JHY: variants seen among roughly 807,000 people sequenced by gnomAD.
The protein encoded by JHY is junctional cadherin complex regulator.
Under a neutral mutation model 78.0 loss-of-function variants are expected in JHY, and 69 were observed. That is an observed-to-expected ratio of 0.88 (90% CI 0.73 to 1.08). JHY has a LOEUF of 1.08. JHY is among the 50% of genes least tolerant of loss of function. The pLI is 0.00. For missense variants in JHY, 944 were observed against 927.8 expected (o/e 1.02, Z -0.23); for synonymous variants, 368 against 342.6 (o/e 1.07, Z -0.82).
At chr11:122,956,683 C>T (rs57550126) in intron 7 of JHY, 107 bp downstream of exon 7, 21,117 of 840,322 alleles carry the variant, frequency 0.025, 635 homozygotes, top group East Asian at 0.11. Flanking sequence ...TCAAATGTCT[C>T]ACTCTGAATA....
chr11:122,957,386 G>T lies in JHY; in HGVS notation c.2034G>T (p.Lys678Asn). Residue 678 changes from lysine to asparagine, a missense_variant, in exon 8 of 9, where the codon AAG (lysine) becomes AAT (asparagine). Lys to Asn is a moderately conservative substitution (Grantham distance 94). Coordinates refer to ENST00000227349, the MANE Select transcript of JHY (RefSeq NM_024806.4). Reference protein sequence around the residue: ...RDKTQKLIQQKEYAKQVKEYN... With the variant: ...RDKTQKLIQQNEYAKQVKEYN... ...AGACGCAAAAATTAATACAGCAAAAGGAATATGCAAAACAAGTCAAGGAGT... is the reference window on the plus strand; with the variant it reads ...AGACGCAAAAATTAATACAGCAAAATGAATATGCAAAACAAGTCAAGGAGT... 6.5e-7 allele frequency: 1 copy of T among 1,531,736 alleles called. No individual in the cohort carries two copies. Among genetic ancestry groups the T allele is most frequent in the Non-Finnish European group, 8.7e-7 (1 of 1,152,550 alleles). 94.9% of individuals were successfully genotyped at this position (1,531,736 alleles called of 1,614,324 possible). A position where few individuals can be genotyped will look rare whatever the true frequency, so the allele number is the denominator to read the frequency against.
At chr11:122,948,182 G>A (rs1321847038) in intron 6 of JHY, among the ~76,000 whole-genome samples, 1 of 152,122 alleles carries the variant, frequency 6.6e-6, no homozygotes, top group African/African-American at 2.4e-5. Context: ...GGTGGCTAAC[G>A]CCTGTAATCC....
chr11:122,950,345 C>T (rs985005301), intron 6 of JHY, among the ~76,000 whole-genome samples: 1 of 152,198 alleles, frequency 6.6e-6, no homozygotes, highest in Non-Finnish European at 1.5e-5. Context: ...ACAGCCTATT[C>T]ACTGCAGTAC....
intron 5 of JHY, among the ~76,000 whole-genome samples, chr11:122,945,286 T>C (rs1021310876): frequency 6.6e-5 from 10 of 152,244 alleles, no homozygotes; most frequent in Admixed American, 2.6e-4. Flanking sequence ...CCACTGAGTT[T>C]TAAATTTCAA....
chr11:122,887,321 G>GT (rs1412973316), intron 2 of JHY, among the ~76,000 whole-genome samples: 13 of 152,098 alleles, frequency 8.5e-5, no homozygotes, highest in Middle Eastern at 3.4e-3. Flanking sequence ...TATCGTGTTA[G>GT]TTTTTTTTGT....
At chr11:122,914,984 C>G (rs184646205) in intron 3 of JHY, among the ~76,000 whole-genome samples, 27 of 152,108 alleles carry the variant, frequency 1.8e-4, no homozygotes, top group South Asian at 6.2e-4. Flanking sequence ...GCTTAAACTA[C>G]CAATTTGTAT....
intron 3 of JHY, among the ~76,000 whole-genome samples, chr11:122,915,175 T>C (rs1462246054): frequency 1.3e-5 from 2 of 152,234 alleles, no homozygotes; most frequent in African/African-American, 2.4e-5. Context: ...TATGCTGACT[T>C]ACACAGGTCA....
intron 3 of JHY, among the ~76,000 whole-genome samples, chr11:122,924,525 G>C (rs1368138698): frequency 6.6e-6 from 1 of 152,150 alleles, no homozygotes; most frequent in Non-Finnish European, 1.5e-5. Context: ...TTCTGTTGTC[G>C]TCATCATCTT....
At chr11:122,886,582 CT>C (rs940042991) in intron 2 of JHY, among the ~76,000 whole-genome samples, 1 of 151,778 alleles carries the variant, frequency 6.6e-6, no homozygotes, top group East Asian at 1.9e-4. Flanking sequence ...TCACTTAACT[CT>C]TTTTTTTATT....
chr11:122,957,569 TTTTTA>T, intron 8 of JHY, 78 bp downstream of exon 8: 2 of 1,403,632 alleles, frequency 1.4e-6, no homozygotes, highest in Non-Finnish European at 9.4e-7. Flanking sequence ...TTTTTTTTTT[TTTTTA>T]ATTAGCCACA....
rs372914374 is a variant in JHY at position 122,886,182 on chromosome 11, C to T, written c.333C>T (p.Gly111=). The change falls in exon 2 of 9, where the codon GGC becomes GGT. Residue 111 remains glycine (G), a synonymous_variant. Transcript: ENST00000227349. ...REQNHHTWDQ[G]ANNRQQPIED... is the part of the protein sequence containing the mutation. ...AAAACCACCATACCTGGGACCAGGG[C>T]GCCAATAACAGGTAAGGAATTGGCT... 47 of 1,609,418 alleles carry T rather than the reference C, an allele frequency of 2.9e-5. No individual in the cohort carries two copies. The highest frequency in any genetic ancestry group is 3.8e-5 in the Non-Finnish European group (45 of 1,177,280).
rs139995595 is a variant in JHY at position 122,934,679 on chromosome 11, C to T, written c.1238C>T (p.Ser413Leu). ...CTTGATACTTCAACAAAGCCTGAAT[C>T]GATTGTGATTATGCATGCCTCTAAC... ...KPLDTSTKPESIVIMHASNND... is the reference protein window; with the variant it reads ...KPLDTSTKPELIVIMHASNND... The change falls in exon 5 of 9, where the codon TCG becomes TTG. Residue 413 changes from serine to leucine, a missense_variant. Coordinates refer to ENST00000227349, the MANE Select transcript of JHY (RefSeq NM_024806.4). 6.2e-7 allele frequency: 1 copy of T among 1,614,136 alleles called. No homozygotes were observed. The highest frequency in any genetic ancestry group is 8.5e-7 in the Non-Finnish European group (1 of 1,180,020).
At chr11:122,937,242 CTT>C (rs11353255) in intron 5 of JHY, among the ~76,000 whole-genome samples, 216 of 137,564 alleles carry the variant, frequency 1.6e-3, no homozygotes, top group Middle Eastern at 3.7e-3. Flanking sequence ...CTTTTCATTT[CTT>C]TTTTTTTTTT....
chr11:122,918,620 A>G (rs1863285278), intron 3 of JHY, among the ~76,000 whole-genome samples: 1 of 151,506 alleles, frequency 6.6e-6, no homozygotes, highest in Non-Finnish European at 1.5e-5. Context: ...TTTCCACCTT[A>G]TTTTGTCAAC....
At chr11:122,903,833 C>T in intron 2 of JHY, 92 bp from the exon 3 acceptor site, 1 of 1,457,172 alleles carries the variant, frequency 6.9e-7, no homozygotes, top group East Asian at 2.3e-5. Context: ...AGGAGAAAGA[C>T]TGAGATTGAT....
At chr11:122,923,707 TTATC>T (rs1863426810) in intron 3 of JHY, among the ~76,000 whole-genome samples, 1 of 147,792 alleles carries the variant, frequency 6.8e-6, no homozygotes, top group African/African-American at 2.6e-5. Flanking sequence ...ATTTATTTAT[TTATC>T]TATTTATATT....
intron 6 of JHY, among the ~76,000 whole-genome samples, chr11:122,952,078 A>G (rs1864099957): frequency 1.4e-5 from 2 of 147,442 alleles, no homozygotes; most frequent in African/African-American, 5.1e-5. Context: ...AATTCTGGGG[A>G]TTATTTTTAC....
chr11:122,943,662 T>C (rs1863914686), intron 5 of JHY, among the ~76,000 whole-genome samples: 1 of 152,194 alleles, frequency 6.6e-6, no homozygotes, highest in South Asian at 2.1e-4. Flanking sequence ...TGATATATCT[T>C]CCTGATGAAT....
In JHY at chr11:122,898,520, TA is replaced by T. The variant is rs2135296957; in HGVS notation, c.345-5404del. ...CTGAAGACTCACAACAAACATTCCC[TA>T]GATCATCAAACAGTAACACGTGCTC... On this transcript the variant is annotated intron_variant, in intron 2 of 8. Transcript: ENST00000227349. This position sits in a 1 kb window ranked among gnomAD's most constrained non-coding sequence, Gnocchi z 4.4. 6.6e-6 allele frequency among the ~76,000 whole-genome samples: 1 copy of T among 152,270 alleles called. No homozygotes were observed. Among genetic ancestry groups the T allele is most frequent in the South Asian group, 2.1e-4 (1 of 4,824 alleles).
Sources: allele counts gnomAD v4.1 joint callset (sites outside exome capture counted in the v4.1 genomes callset), GRCh38; gene constraint gnomAD v4.1.1; non-coding constraint Gnocchi (gnomAD v3.1); transcripts MANE v1.5; gene names NCBI Gene and HGNC (gene_info 2026-07-23, HGNC 2026-07-21).